Variants in SPARCL1 observed in about 807,000 individuals in gnomAD.
SPARCL1 encodes SPARC like 1.
In SPARCL1, 52 loss-of-function variants were observed where a neutral mutation model predicts 67.1. The observed-to-expected ratio is 0.78, with a 90% CI of 0.62 to 0.98. SPARCL1 has a LOEUF of 0.98. Among genes scored for constraint, SPARCL1 ranks in the 50% least tolerant of loss-of-function variants. The pLI, the probability that SPARCL1 is intolerant of heterozygous loss-of-function variation, is 0.00. For synonymous variants in SPARCL1, 226 were observed against 267.8 expected, an observed-to-expected ratio of 0.84 and a Z score of 1.52; for missense variants, 717 against 782.4, an observed-to-expected ratio of 0.92 and a Z score of 1.00.
intron 8 of SPARCL1, 84 bp downstream of exon 8, chr4:87,482,340 A>G (rs979951484): frequency 4.1e-6 from 6 of 1,451,416 alleles, no homozygotes; most frequent in Middle Eastern, 1.7e-4. Context: ...GCCAGTATGC[A>G]GAGGTAGGTA....
At chr4:87,500,424 C>T in intron 1 of SPARCL1, among the ~76,000 whole-genome samples, 1 of 152,166 alleles carries the variant, frequency 6.6e-6, no homozygotes, top group East Asian at 1.9e-4. Flanking sequence ...GCTTTTCCCA[C>T]ACACCAGTTA....
chr4:87,497,259 T>C, intron 2 of SPARCL1: 1 of 980,690 alleles, frequency 1.0e-6, no homozygotes, highest in Non-Finnish European at 1.2e-6. Context: ...GTAATGAATT[T>C]GAAAAAGTTT....
intron 1 of SPARCL1, among the ~76,000 whole-genome samples, chr4:87,500,731 A>C (rs1475693044): frequency 6.6e-6 from 1 of 152,186 alleles, no homozygotes; most frequent in Non-Finnish European, 1.5e-5. Context: ...AAAATATATT[A>C]AATATTACTC....
At chr4:87,497,243 AG>A (rs2110232925) in intron 2 of SPARCL1, 2 of 984,166 alleles carry the variant, frequency 2.0e-6, no homozygotes, top group South Asian at 9.4e-5. Context: ...TTTTCACCTA[AG>A]ATGGGTAATG....
intron 1 of SPARCL1, chr4:87,528,346 C>G (rs185091836): frequency 2.1e-4 from 32 of 152,154 alleles, no homozygotes; most frequent in African/African-American, 7.7e-4. Context: ...CTCTTTAATT[C>G]TCTTCTCCCA....
chr4:87,508,850 T>G (rs1725226173), intron 1 of SPARCL1, among the ~76,000 whole-genome samples: 1 of 144,298 alleles, frequency 6.9e-6, no homozygotes, highest in African/African-American at 2.6e-5. Flanking sequence ...TAGATACGTA[T>G]ATAGATAAAT....
chr4:87,498,132 A>G (rs1384794158), intron 2 of SPARCL1, among the ~76,000 whole-genome samples: 1 of 152,174 alleles, frequency 6.6e-6, no homozygotes, highest in Admixed American at 6.5e-5. Context: ...AGGAGAAAAC[A>G]ACGGTTTTGT....
intron 6 of SPARCL1, 138 bp downstream of exon 6, chr4:87,490,622 G>A (rs1724280163): frequency 1.3e-6 from 1 of 763,708 alleles, no homozygotes; most frequent in East Asian, 2.5e-5. Context: ...GAAAACTGCA[G>A]ATGTTCCAAA....
chr4:87,474,851 T>C (rs921009424), intron 10 of SPARCL1, among the ~76,000 whole-genome samples: 8 of 151,138 alleles, frequency 5.3e-5, no homozygotes, highest in African/African-American at 1.9e-4. Flanking sequence ...CACGCCATTC[T>C]CCTGCCTCAG....
At chr4:87,475,517 G>C (rs1723550306) in intron 10 of SPARCL1, among the ~76,000 whole-genome samples, 1 of 152,030 alleles carries the variant, frequency 6.6e-6, no homozygotes, top group Non-Finnish European at 1.5e-5. Context: ...CGTTTTCCTT[G>C]GGAGAATTAA....
chr4:87,483,607 T>A (rs912321569), intron 7 of SPARCL1, among the ~76,000 whole-genome samples: 21 of 152,246 alleles, frequency 1.4e-4, no homozygotes, highest in Admixed American at 1.0e-3. Context: ...TACCCAGTAA[T>A]GGGATTGCTG....
Position 87,511,409 on chromosome 4 carries a change from C to A in SPARCL1, c.-11-11824G>T, listed in dbSNP as rs548188268. On this transcript the variant is annotated intron_variant, in intron 1 of 10. Transcript: ENST00000282470. Reference sequence around the variant, plus strand: ...AGACAGACGGTGGATTAGTTTTGGGCTTGTTGAATTTGAGTAGAGATATCT... The same window carrying A: ...AGACAGACGGTGGATTAGTTTTGGGATTGTTGAATTTGAGTAGAGATATCT... Among the ~76,000 whole-genome samples the A allele has an allele frequency of 3.6e-3, 543 of 152,116 alleles. 6 individuals are homozygous for A. Among genetic ancestry groups the A allele is most frequent in the African/African-American group, 0.012 (518 of 41,472 alleles).
chr4:87,515,832 C>G (rs1725560088), intron 1 of SPARCL1, among the ~76,000 whole-genome samples: 1 of 152,206 alleles, frequency 6.6e-6, no homozygotes, highest in Non-Finnish European at 1.5e-5. Flanking sequence ...AATGTCAACT[C>G]TATTCTAACT....
intron 1 of SPARCL1, among the ~76,000 whole-genome samples, chr4:87,514,691 A>G (rs1725511562): frequency 1.3e-5 from 2 of 152,144 alleles, no homozygotes; most frequent in African/African-American, 4.8e-5. Context: ...TCACTGAGCT[A>G]ATTGTATTTG....
rs11557437 is a variant in SPARCL1 at position 87,494,528 on chromosome 4, G to T, written c.272C>A (p.Ser91Tyr). ...HEQSAEQGKS[S>Y]SQELGLKDQE... ...ATCCTTCAATCCCAGCTCTTGGCTA[G>T]AACTCTTGCCCTGTTCTGCTGACTG... The change falls in exon 4 of 11, where the codon TCT becomes TAT. Residue 91 changes from serine to tyrosine, a missense_variant. Physicochemically the swap from Ser to Tyr is moderately radical, Grantham distance 144 (BLOSUM62 -2). Transcript: ENST00000282470. The T allele has an allele frequency of 6.2e-7, 1 of 1,614,098 alleles. No individual in the cohort carries two copies. The highest frequency in any genetic ancestry group is 8.5e-7 in the Non-Finnish European group (1 of 1,180,016).
intron 7 of SPARCL1, among the ~76,000 whole-genome samples, chr4:87,484,880 A>C (rs773737148): frequency 6.6e-6 from 1 of 152,028 alleles, no homozygotes; most frequent in Non-Finnish European, 1.5e-5. Flanking sequence ...TGTTATTGGT[A>C]TATAGGAATG....
chr4:87,507,441 T>C (rs1003828433), intron 1 of SPARCL1, among the ~76,000 whole-genome samples: 2 of 141,484 alleles, frequency 1.4e-5, no homozygotes, highest in Non-Finnish European at 3.0e-5. Flanking sequence ...GGCCAGAACT[T>C]GCATCACTAA....
intron 1 of SPARCL1, among the ~76,000 whole-genome samples, chr4:87,513,913 GC>G (rs1258299433): frequency 6.6e-6 from 1 of 152,222 alleles, no homozygotes; most frequent in Admixed American, 6.5e-5. Context: ...CTGAATTAGG[GC>G]TGGGCATTGT....
chr4:87,488,752 TG>T (rs1053114809), intron 7 of SPARCL1, among the ~76,000 whole-genome samples: 2 of 152,154 alleles, frequency 1.3e-5, no homozygotes, highest in Non-Finnish European at 2.9e-5. Context: ...AACCCCTGAC[TG>T]GGGCTGCTGC....
Sources: gnomAD v4.1 joint callset for allele counts (sites outside exome capture counted in the v4.1 genomes callset) on GRCh38, gnomAD v4.1.1 for gene constraint, MANE v1.5 for transcripts, NCBI Gene and HGNC (gene_info 2026-07-23, HGNC 2026-07-21) for gene names.